Variants in NUP210L observed in about 807,000 individuals in gnomAD.
NUP210L encodes the protein nucleoporin 210 like, also known as nuclear pore membrane glycoprotein 210-like.
NUP210L carries 74 observed loss-of-function variants against 208.5 expected under a neutral mutation model. The ratio of observed to expected loss-of-function variants is 0.35; its 90% CI spans 0.29 to 0.43. The LOEUF is 0.43. Among genes scored for constraint, NUP210L ranks in the 20% least tolerant of loss-of-function variants. The pLI, the probability that NUP210L is intolerant of heterozygous loss-of-function variation, is 1.00. For missense variants in NUP210L, 1,843 were observed against 2,289.4 expected (o/e 0.81, Z 3.98); for synonymous variants, 780 against 816.9 (o/e 0.95, Z 0.77).
Position 154,140,049 on chromosome 1 carries a change from A to G in NUP210L, c.567-97T>C, listed in dbSNP as rs1033527142. ...TTTAAACATAGTTTCTTCAATGTCT[A>G]TAGAATGTAAAACACTTTTGACTGG... On this transcript the variant is annotated intron_variant, in intron 4 of 39. Coordinates refer to ENST00000368559, the Ensembl canonical transcript of NUP210L. The G allele has an allele frequency of 2.0e-5, 20 of 979,190 alleles. 1 individual carries two copies. The South Asian group carries it at 2.6e-4, about 13-fold the overall frequency. The allele number at this position is 979,190 out of a possible 1,614,324, so 60.7% of individuals were successfully genotyped here.
intron 12 of NUP210L, among the ~76,000 whole-genome samples, chr1:154,116,037 C>T (rs1031751003): frequency 6.6e-6 from 1 of 151,824 alleles, no homozygotes; most frequent in South Asian, 2.1e-4. Context: ...AGGTGGATCA[C>T]GAGGTCAGGA....
intron 27 of NUP210L, among the ~76,000 whole-genome samples, chr1:154,041,269 C>A (rs965581625): frequency 6.6e-6 from 1 of 152,062 alleles, no homozygotes; most frequent in Non-Finnish European, 1.5e-5. Flanking sequence ...CTGGCCTTTG[C>A]CCTACTTCTC....
At chr1:154,123,264 G>C (rs1657706527) in intron 10 of NUP210L, among the ~76,000 whole-genome samples, 2 of 152,132 alleles carry the variant, frequency 1.3e-5, no homozygotes, top group South Asian at 2.1e-4. Context: ...TCCTGCCTCA[G>C]CCTCCCGAGT....
intron 27 of NUP210L, 27 bp downstream of exon 27, chr1:154,046,042 T>C (rs1311267799): frequency 5.0e-6 from 8 of 1,595,468 alleles, no homozygotes; most frequent in African/African-American, 1.4e-5. Flanking sequence ...ATCCCTAAGA[T>C]AACACAATAA....
At chr1:153,997,029 T>C (rs1208479614) in intron 37 of NUP210L, among the ~76,000 whole-genome samples, 1 of 152,026 alleles carries the variant, frequency 6.6e-6, no homozygotes, top group Non-Finnish European at 1.5e-5. Context: ...AATGGCATGA[T>C]CTCGGCTCAC....
intron 16 of NUP210L, among the ~76,000 whole-genome samples, chr1:154,081,292 A>G (rs2148030826): frequency 6.6e-6 from 1 of 152,294 alleles, no homozygotes; most frequent in South Asian, 2.1e-4. Context: ...TAGTTACACT[A>G]ACATCAGACA....
intron 32 of NUP210L, among the ~76,000 whole-genome samples, chr1:154,019,873 C>T (rs192900869): frequency 9.2e-5 from 14 of 152,148 alleles, no homozygotes; most frequent in African/African-American, 3.1e-4. Flanking sequence ...TTGAAGTGAG[C>T]CGAGATCACA....
chr1:154,119,604 A>C (rs886957229), intron 10 of NUP210L, among the ~76,000 whole-genome samples: 2 of 152,028 alleles, frequency 1.3e-5, no homozygotes, highest in African/African-American at 4.8e-5. Flanking sequence ...ACAAACAAAC[A>C]AACAAAAAAC....
At position 154,019,488 on chromosome 1, in the gene NUP210L, T is replaced by C. The variant is rs925899966; in HGVS notation, c.4517-419A>G. 3.9e-5 allele frequency among the ~76,000 whole-genome samples: 6 copies of C among 152,130 alleles called. 1 individual carries two copies. The South Asian group carries it at 1.2e-3, about 31-fold the overall frequency. On this transcript the variant is annotated intron_variant, in intron 32 of 39. Coordinates refer to ENST00000368559, the Ensembl canonical transcript of NUP210L. ...CTTAAGTCTAAAGATGGCCGAGGAA[T>C]GCCAAATACTGGGTTAGAGTTTGTA...
chr1:154,127,636 T>C (rs889402441), intron 8 of NUP210L, among the ~76,000 whole-genome samples: 1 of 149,666 alleles, frequency 6.7e-6, no homozygotes, highest in African/African-American at 2.4e-5. Context: ...CTGCAACCTC[T>C]GCCTCCTGGG....
chr1:154,039,726 T>A (rs1039432847), intron 27 of NUP210L, among the ~76,000 whole-genome samples: 1 of 152,170 alleles, frequency 6.6e-6, no homozygotes, highest in Admixed American at 6.6e-5. Flanking sequence ...TGCTTTAGGA[T>A]CCTTTCTTTA....
intron 7 of NUP210L, among the ~76,000 whole-genome samples, chr1:154,134,218 T>A (rs1395718406): frequency 1.3e-5 from 2 of 151,760 alleles, no homozygotes; most frequent in Admixed American, 6.6e-5. Flanking sequence ...AATGGCAATT[T>A]GTATACCCAG....
At chr1:154,085,305 G>A (rs755039280) in intron 16 of NUP210L, among the ~76,000 whole-genome samples, 16 of 150,292 alleles carry the variant, frequency 1.1e-4, no homozygotes, top group Admixed American at 4.6e-4. Flanking sequence ...AGCCGAGATC[G>A]TACCACTGCA....
chr1:154,017,332 A>G (rs986234223), intron 33 of NUP210L, among the ~76,000 whole-genome samples: 2 of 151,598 alleles, frequency 1.3e-5, no homozygotes, highest in Non-Finnish European at 2.9e-5. Context: ...GAAGCTACTC[A>G]ACAAAGTCAC....
intron 12 of NUP210L, 112 bp downstream of exon 12, chr1:154,117,613 T>C (rs1657393544): frequency 1.3e-6 from 1 of 798,650 alleles, no homozygotes; most frequent in Admixed American, 2.8e-5. Flanking sequence ...TGACTGAATG[T>C]GAGTAATATT....
At chr1:153,994,684 G>GT (rs1197175170) in intron 38 of NUP210L, among the ~76,000 whole-genome samples, 1 of 151,878 alleles carries the variant, frequency 6.6e-6, no homozygotes, top group Non-Finnish European at 1.5e-5. Flanking sequence ...AAAATTATAT[G>GT]TGATAAGTGG....
intron 16 of NUP210L, among the ~76,000 whole-genome samples, chr1:154,072,128 T>G (rs185790067): frequency 2.6e-5 from 4 of 152,128 alleles, no homozygotes. Context: ...CTTCTTTTCC[T>G]CTGGGTAGCT....
At chr1:154,002,586 C>T (rs1457960832) in intron 35 of NUP210L, among the ~76,000 whole-genome samples, 1 of 151,806 alleles carries the variant, frequency 6.6e-6, no homozygotes, top group Non-Finnish European at 1.5e-5. Context: ...GATCACACCA[C>T]TGCATTCCAG....
intron 33 of NUP210L, among the ~76,000 whole-genome samples, chr1:154,016,271 G>A (rs1359181930): frequency 6.6e-6 from 1 of 151,292 alleles, no homozygotes; most frequent in East Asian, 1.9e-4. Context: ...AAAAAAAAAA[G>A]ATGAGAAGTG....
Sources: gnomAD v4.1 joint callset for allele counts (sites outside exome capture counted in the v4.1 genomes callset) on GRCh38, gnomAD v4.1.1 for gene constraint, MANE v1.5 for transcripts, NCBI Gene and HGNC (gene_info 2026-07-23, HGNC 2026-07-21) for gene names.